The following IL1RAPL2 variants were observed in gnomAD, a reference collection of about 807,000 sequenced individuals.
IL1RAPL2 encodes interleukin 1 receptor accessory protein like 2.
A neutral mutation model predicts 44.1 loss-of-function variants in IL1RAPL2; 3 were observed. The observed-to-expected ratio is 0.07, with a 90% confidence interval of 0.03 to 0.18. IL1RAPL2 has a LOEUF of 0.18. IL1RAPL2 is among the 10% of genes least tolerant of loss of function. IL1RAPL2 has a pLI of 1.00. For missense variants in IL1RAPL2, 391 were observed against 496.4 expected, an observed-to-expected ratio of 0.79 and a Z score of 2.02; for synonymous variants, 181 against 178.8, an observed-to-expected ratio of 1.01 and a Z score of -0.10.
In IL1RAPL2 at chrX:104,692,553, C is replaced by T. The variant is rs182607198; in HGVS notation, c.82+33558C>T. Among the ~76,000 whole-genome samples the T allele has an allele frequency of 6.7e-3, 729 of 108,458 alleles. 3 individuals are homozygous for T. The highest frequency in any genetic ancestry group is 0.023 in the Middle Eastern group (5 of 213). The allele number at this position is 108,458 out of a possible 115,157, so 94.2% of individuals were successfully genotyped here. ...TGTGTGATGTTCCCCTTCCTGTGTCCATGTGTTCTCAGTGTTCAATTCCCA... is the reference window on the plus strand; with the variant it reads ...TGTGTGATGTTCCCCTTCCTGTGTCTATGTGTTCTCAGTGTTCAATTCCCA... On this transcript the variant is annotated intron_variant, in intron 2 of 10. Coordinates refer to ENST00000372582, the MANE Select transcript of IL1RAPL2 (RefSeq NM_017416.2).
rs748047520 is a variant in IL1RAPL2 at position 104,809,568 on chromosome X, G to T, written c.82+150573G>T. 5.4e-3 allele frequency among the ~76,000 whole-genome samples: 590 copies of T among 109,687 alleles called. 8 individuals are homozygous for T. The highest frequency in any genetic ancestry group is 0.018 in the African/African-American group (546 of 30,189). On this transcript the variant is annotated intron_variant, in intron 2 of 10. Coordinates refer to ENST00000372582, the MANE Select transcript of IL1RAPL2 (RefSeq NM_017416.2). Reference sequence around the variant, plus strand: ...TCATGTCCTTCACCCACTTTTTGATGGGGTTGTTTGTTTTTTTTCTTGTAA... The same window carrying T: ...TCATGTCCTTCACCCACTTTTTGATTGGGTTGTTTGTTTTTTTTCTTGTAA...
intron 2 of IL1RAPL2, among the ~76,000 whole-genome samples, chrX:105,055,650 T>C (rs1277943255): frequency 8.9e-6 from 1 of 112,127 alleles, no homozygotes; most frequent in Non-Finnish European, 1.9e-5. Flanking sequence ...TAAATTGAAA[T>C]CTAAAAAGTG....
intron 2 of IL1RAPL2, among the ~76,000 whole-genome samples, chrX:104,803,264 A>G (rs760948113): frequency 8.9e-6 from 1 of 111,737 alleles, no homozygotes; most frequent in East Asian, 2.8e-4. Context: ...CCTGTGAACA[A>G]TGTATTAATT....
intron 2 of IL1RAPL2, among the ~76,000 whole-genome samples, chrX:105,148,469 A>T (rs911010409): frequency 4.5e-5 from 5 of 111,920 alleles, no homozygotes; most frequent in Non-Finnish European, 7.5e-5. Flanking sequence ...TGTATGTTTT[A>T]AAAAAATTTC....
intron 2 of IL1RAPL2, among the ~76,000 whole-genome samples, chrX:104,709,984 GAAAC>G (rs1013076261): frequency 4.5e-5 from 5 of 111,117 alleles, no homozygotes; most frequent in East Asian, 2.8e-4. Flanking sequence ...ATAAAAAAAA[GAAAC>G]AAACAGCAAA....
At chrX:105,401,383 C>A (rs763014644) in intron 5 of IL1RAPL2, among the ~76,000 whole-genome samples, 3 of 111,309 alleles carry the variant, frequency 2.7e-5, no homozygotes, top group Non-Finnish European at 5.7e-5. Context: ...GTAGCCTCAC[C>A]ATAAGTTTAT....
At chrX:105,576,792 T>G (rs776030600) in intron 6 of IL1RAPL2, among the ~76,000 whole-genome samples, 2 of 111,461 alleles carry the variant, frequency 1.8e-5, no homozygotes, top group South Asian at 7.5e-4. Flanking sequence ...AATACAACTA[T>G]CAAAAATTCA....
intron 2 of IL1RAPL2, among the ~76,000 whole-genome samples, chrX:105,192,037 A>G (rs782621485): frequency 8.9e-6 from 1 of 112,024 alleles, no homozygotes; most frequent in Non-Finnish European, 1.9e-5. Context: ...TGTGGATTGC[A>G]GGCTTGTGCA....
chrX:104,823,671 C>T (rs1264705810), intron 2 of IL1RAPL2, among the ~76,000 whole-genome samples: 1 of 110,074 alleles, frequency 9.1e-6, no homozygotes, highest in Admixed American at 9.7e-5. Flanking sequence ...TGAGGAATCG[C>T]CACACTGACT....
intron 2 of IL1RAPL2, among the ~76,000 whole-genome samples, chrX:104,842,533 A>G (rs1921936221): frequency 8.9e-6 from 1 of 111,985 alleles, no homozygotes; most frequent in Admixed American, 9.5e-5. Flanking sequence ...GGATTTATCT[A>G]CATTTGATCT....
intron 3 of IL1RAPL2, among the ~76,000 whole-genome samples, chrX:105,217,334 C>A (rs782788797): frequency 1.8e-5 from 2 of 111,795 alleles, no homozygotes; most frequent in South Asian, 7.5e-4. Flanking sequence ...ATTTATGCAG[C>A]CAACACATGA....
intron 1 of IL1RAPL2, among the ~76,000 whole-genome samples, chrX:104,571,221 C>G (rs1180359900): frequency 8.9e-6 from 1 of 111,948 alleles, no homozygotes; most frequent in Non-Finnish European, 1.9e-5. Flanking sequence ...TCAGTATATC[C>G]TACATGTTAG....
At chrX:105,635,677 T>G (rs2147836867) in intron 6 of IL1RAPL2, among the ~76,000 whole-genome samples, 1 of 111,816 alleles carries the variant, frequency 8.9e-6, no homozygotes, top group Admixed American at 9.5e-5. Flanking sequence ...GAAACTGAAA[T>G]TTATAGAACT....
intron 6 of IL1RAPL2, among the ~76,000 whole-genome samples, chrX:105,516,140 A>G (rs768933529): frequency 3.0e-4 from 34 of 112,311 alleles, no homozygotes; most frequent in Non-Finnish European, 5.6e-4. Flanking sequence ...TTTTGAATGT[A>G]TAATTCAGTC....
intron 2 of IL1RAPL2, among the ~76,000 whole-genome samples, chrX:104,859,699 T>C (rs1383874496): frequency 2.7e-5 from 3 of 112,310 alleles, no homozygotes; most frequent in South Asian, 7.4e-4. Flanking sequence ...CTAACTGGTA[T>C]AAATGTAGCC....
At chrX:105,584,627 G>C (rs184821599) in intron 6 of IL1RAPL2, among the ~76,000 whole-genome samples, 2 of 110,049 alleles carry the variant, frequency 1.8e-5, no homozygotes, top group Admixed American at 1.9e-4. Flanking sequence ...AGAAAACCTG[G>C]AATTTATGCA....
intron 2 of IL1RAPL2, among the ~76,000 whole-genome samples, chrX:104,996,609 G>T (rs1326526389): frequency 8.9e-6 from 1 of 112,014 alleles, no homozygotes; most frequent in Non-Finnish European, 1.9e-5. Flanking sequence ...CAAAGAACTG[G>T]ATGAATAGAG....
At chrX:104,866,427 T>G (rs1054860760) in intron 2 of IL1RAPL2, among the ~76,000 whole-genome samples, 1 of 112,341 alleles carries the variant, frequency 8.9e-6, no homozygotes, top group Non-Finnish European at 1.9e-5. Flanking sequence ...GTCAAAATAG[T>G]TTGAGATTGG....
intron 6 of IL1RAPL2, among the ~76,000 whole-genome samples, chrX:105,521,910 G>A (rs898988088): frequency 8.9e-6 from 1 of 111,953 alleles, no homozygotes; most frequent in East Asian, 2.8e-4. Flanking sequence ...TACATACATG[G>A]CTTGGGAAAA....
Sources: allele counts gnomAD v4.1 joint callset (sites outside exome capture counted in the v4.1 genomes callset), GRCh38; gene constraint gnomAD v4.1.1; transcripts MANE v1.5; gene names NCBI Gene and HGNC (gene_info 2026-07-23, HGNC 2026-07-21).